The following KIF13A variants were observed in gnomAD, a reference collection of about 807,000 sequenced individuals.
The protein encoded by KIF13A is kinesin-like protein KIF13A.
KIF13A carries 79 observed loss-of-function variants against 212.2 expected under a neutral mutation model. The ratio of observed to expected loss-of-function variants is 0.37; its 90% confidence interval spans 0.31 to 0.45. The LOEUF is 0.45. Ranked by LOEUF, KIF13A falls within the 20% of genes least tolerant of loss-of-function variation. KIF13A has a pLI of 1.00. For synonymous variants in KIF13A, 789 were observed against 808.6 expected (o/e 0.98, Z 0.41); for missense variants, 1,901 against 2,209.0 (o/e 0.86, Z 2.79).
At chr6:17,791,075 A>G (rs77892910) in intron 25 of KIF13A, among the ~76,000 whole-genome samples, 4,097 of 152,236 alleles carry the variant, frequency 0.027, 79 homozygotes, top group Middle Eastern at 0.041. Flanking sequence ...AATATAGTCA[A>G]AATTATTTTC....
chr6:17,957,264 C>T (rs1778422457), intron 2 of KIF13A, among the ~76,000 whole-genome samples: 1 of 152,122 alleles, frequency 6.6e-6, no homozygotes, highest in Non-Finnish European at 1.5e-5. Flanking sequence ...GTTTGGAGAG[C>T]TTCCAGATCA....
intron 3 of KIF13A, among the ~76,000 whole-genome samples, chr6:17,876,598 G>A (rs1770576588): frequency 6.6e-6 from 1 of 150,810 alleles, no homozygotes; most frequent in African/African-American, 2.4e-5. Flanking sequence ...CATTTATCAT[G>A]TATATGATCT....
chr6:17,862,628 C>A lies in KIF13A; in HGVS notation c.221-6506G>T, dbSNP rs543702129. Among the ~76,000 whole-genome samples, 13 of 152,004 alleles carry A rather than the reference C, an allele frequency of 8.6e-5. No homozygotes were observed. The South Asian group carries it at 2.7e-3, about 32-fold the overall frequency. The stretch of plus-strand genomic sequence containing the variant: ...GACCAGCCCAGGCAAAATAGTGAGA[C>A]CCCTATCTCTACAAAAAATAAAAAA... On this transcript the variant is annotated intron_variant, in intron 4 of 38. Transcript: ENST00000259711.
intron 2 of KIF13A, among the ~76,000 whole-genome samples, chr6:17,945,475 C>T (rs949528284): frequency 2.6e-5 from 4 of 151,632 alleles, no homozygotes; most frequent in Non-Finnish European, 5.9e-5. Context: ...AAAATGCATG[C>T]ATCATATTAT....
Position 17,987,337 on chromosome 6 carries a change from G to A in KIF13A, c.55+72C>T. On this transcript the variant is annotated intron_variant, in intron 1 of 38. Coordinates refer to ENST00000259711, the MANE Select transcript of KIF13A (RefSeq NM_022113.6). The surrounding 1 kb of genome is among the most constrained non-coding windows in gnomAD (Gnocchi z 7.7). ...GCCCCGGCCGCGCTCTCGCCGTCCCGGCCCCGCAGTTTCTAAAGTTGCCCC... is the reference window on the plus strand; with the variant it reads ...GCCCCGGCCGCGCTCTCGCCGTCCCAGCCCCGCAGTTTCTAAAGTTGCCCC... 4 of 1,127,540 alleles carry A rather than the reference G, an allele frequency of 3.5e-6. No homozygotes were observed. Among genetic ancestry groups the A allele is most frequent in the Admixed American group, 5.9e-5 (2 of 33,674 alleles). The allele number at this position is 1,127,540 out of a possible 1,614,324, so 69.8% of individuals were successfully genotyped here.
chr6:17,958,284 G>A (rs533468384), intron 2 of KIF13A, among the ~76,000 whole-genome samples: 2 of 152,146 alleles, frequency 1.3e-5, no homozygotes, highest in South Asian at 4.1e-4. Context: ...AGATACTGAA[G>A]GGGTTTGCAA....
intron 38 of KIF13A, among the ~76,000 whole-genome samples, chr6:17,767,892 G>A (rs1759151941): frequency 6.6e-6 from 1 of 152,084 alleles, no homozygotes; most frequent in South Asian, 2.1e-4. Context: ...ATTCCTCAAG[G>A]ATTAGAATGA....
intron 16 of KIF13A, among the ~76,000 whole-genome samples, chr6:17,823,426 C>T (rs1279763507): frequency 6.9e-6 from 1 of 145,194 alleles, no homozygotes; most frequent in African/African-American, 2.5e-5. Context: ...CCCCCCACTT[C>T]CCCCTCCCTG....
intron 17 of KIF13A, among the ~76,000 whole-genome samples, chr6:17,810,470 G>A (rs1763337212): frequency 6.6e-6 from 1 of 152,176 alleles, no homozygotes; most frequent in Admixed American, 6.6e-5. Context: ...CTACACCAGT[G>A]GTCCCCAACC....
In KIF13A at chr6:17,897,011, T is replaced by G. The variant is rs959557529; in HGVS notation, c.159+1157A>C. Among the ~76,000 whole-genome samples the G allele has an allele frequency of 6.6e-6, 1 of 152,244 alleles. No individual in the cohort carries two copies. Among genetic ancestry groups the G allele is most frequent in the African/African-American group, 2.4e-5 (1 of 41,464 alleles). On this transcript the variant is annotated intron_variant, in intron 3 of 38. Transcript: ENST00000259711. The surrounding 1 kb of genome is among the most constrained non-coding windows in gnomAD (Gnocchi z 4.8). The stretch of plus-strand genomic sequence containing the variant: ...GCTCGGGGAGAATCTCCTGATTCCC[T>G]AGATTTGTCCAGAATGCCACTGCCA...
At position 17,825,943 on chromosome 6, in the gene KIF13A, T is replaced by G. The variant is rs1281148846; in HGVS notation, c.1620-9A>C. On this transcript the variant is annotated splice_polypyrimidine_tract_variant and intron_variant, in intron 15 of 38. Coordinates refer to ENST00000259711, the MANE Select transcript of KIF13A (RefSeq NM_022113.6). This position sits in a 1 kb window ranked among gnomAD's most constrained non-coding sequence, Gnocchi z 4.5. ...TCTTAGGTAAGTTTATTCTGTGGGGTTTTTCACCATTAGAGAAAATCAACT... is the reference window on the plus strand; with the variant it reads ...TCTTAGGTAAGTTTATTCTGTGGGGGTTTTCACCATTAGAGAAAATCAACT... The G allele has an allele frequency of 1.2e-6, 2 of 1,613,074 alleles. No homozygotes were observed. Among genetic ancestry groups the G allele is most frequent in the East Asian group, 4.5e-5 (2 of 44,882 alleles).
chr6:17,835,824 G>C (rs1490639884), intron 11 of KIF13A, among the ~76,000 whole-genome samples: 1 of 152,132 alleles, frequency 6.6e-6, no homozygotes, highest in Non-Finnish European at 1.5e-5. Context: ...TATTAACATA[G>C]TGCCTGGCAT....
chr6:17,876,950 T>C (rs1770615637), intron 3 of KIF13A, among the ~76,000 whole-genome samples: 1 of 152,170 alleles, frequency 6.6e-6, no homozygotes, highest in South Asian at 2.1e-4. Flanking sequence ...ATATGTTTCA[T>C]CTCCACTTGT....
intron 2 of KIF13A, among the ~76,000 whole-genome samples, chr6:17,940,048 T>TAAAAAAAAAAA (rs56365666): frequency 2.5e-5 from 3 of 121,858 alleles, no homozygotes; most frequent in Non-Finnish European, 4.9e-5. Flanking sequence ...TCTCATAAAT[T>TAAAAAAAAAAA]AAAAAAAAAA....
Position 17,951,292 on chromosome 6 carries a change from T to C in KIF13A, c.146+35762A>G. On this transcript the variant is annotated intron_variant, in intron 2 of 38. Coordinates refer to ENST00000259711, the MANE Select transcript of KIF13A (RefSeq NM_022113.6). The surrounding 1 kb of genome is among the most constrained non-coding windows in gnomAD (Gnocchi z 4.9). ...ACAGGTATGCGCCACCACGTCCAGCTAATTTTAAACAAATTTTTTGTAGAG... is the reference window on the plus strand; with the variant it reads ...ACAGGTATGCGCCACCACGTCCAGCCAATTTTAAACAAATTTTTTGTAGAG... 1.7e-6 allele frequency: 1 copy of C among 605,452 alleles called. No homozygotes were observed. The highest frequency in any genetic ancestry group is 2.9e-6 in the Non-Finnish European group (1 of 348,818). The allele number at this position is 605,452 out of a possible 1,614,324, so 37.5% of individuals were successfully genotyped here. A position where few individuals can be genotyped will look rare whatever the true frequency, so the allele number is the denominator to read the frequency against.
intron 14 of KIF13A, among the ~76,000 whole-genome samples, chr6:17,827,777 C>T (rs1354167112): frequency 1.3e-5 from 2 of 152,068 alleles, no homozygotes; most frequent in Non-Finnish European, 2.9e-5. Flanking sequence ...CTGCCTCAGC[C>T]TCCTAAAGTG....
chr6:17,928,620 T>C (rs1775701151), intron 2 of KIF13A, among the ~76,000 whole-genome samples: 1 of 152,190 alleles, frequency 6.6e-6, no homozygotes, highest in African/African-American at 2.4e-5. Flanking sequence ...AATGCCTCAC[T>C]ATAAATACCT....
chr6:17,785,647 G>GA lies in KIF13A; in HGVS notation c.3362-7dup, dbSNP rs1452255286. Reference sequence around the variant, plus strand: ...CACATCGTCCTCTGTTTTCTCTGCAGAAAAAAATGAGGAGATCAATGCCAA... The same window carrying GA: ...CACATCGTCCTCTGTTTTCTCTGCAGAAAAAAAATGAGGAGATCAATGCCAA... On this transcript the variant is annotated splice_region_variant and splice_polypyrimidine_tract_variant and intron_variant, in intron 27 of 38. Transcript: ENST00000259711. The surrounding 1 kb of genome is among the most constrained non-coding windows in gnomAD (Gnocchi z 5.8). 14 of 1,599,234 alleles carry GA rather than the reference G, an allele frequency of 8.8e-6. No homozygotes were observed. The highest frequency in any genetic ancestry group is 1.1e-5 in the Non-Finnish European group (13 of 1,173,334).
rs1771743488 is a variant in KIF13A, at chr6:17,888,430, G to A, written c.159+9738C>T. Among the ~76,000 whole-genome samples, 1 of 152,156 alleles carries A rather than the reference G, an allele frequency of 6.6e-6. No individual in the cohort carries two copies. The highest frequency in any genetic ancestry group is 6.6e-5 in the Admixed American group (1 of 15,266). On this transcript the variant is annotated intron_variant, in intron 3 of 38. Transcript: ENST00000259711. This position sits in a 1 kb window ranked among gnomAD's most constrained non-coding sequence, Gnocchi z 4.8. ...CAAAAGCCTTAGGAAGTATACTGGTGTTCAGTACTAAGCCATGGGTTTGAT... is the reference window on the plus strand; with the variant it reads ...CAAAAGCCTTAGGAAGTATACTGGTATTCAGTACTAAGCCATGGGTTTGAT...
Sources: allele counts gnomAD v4.1 joint callset (sites outside exome capture counted in the v4.1 genomes callset), GRCh38; gene constraint gnomAD v4.1.1; non-coding constraint Gnocchi (gnomAD v3.1); transcripts MANE v1.5; gene names NCBI Gene and HGNC (gene_info 2026-07-23, HGNC 2026-07-21).